SLC5A9: variants seen among roughly 807,000 people sequenced by gnomAD.
SLC5A9 encodes the protein sodium/glucose cotransporter 4.
A neutral mutation model predicts 70.9 loss-of-function variants in SLC5A9; 59 were observed. The ratio of observed to expected loss-of-function variants is 0.83; its 90% confidence interval spans 0.68 to 1.03. The LOEUF is 1.03. SLC5A9 is among the 50% of genes least tolerant of loss of function. The pLI is 0.00. For missense variants in SLC5A9, 832 were observed against 881.1 expected, an observed-to-expected ratio of 0.94 and a Z score of 0.71; for synonymous variants, 340 against 346.5, an observed-to-expected ratio of 0.98 and a Z score of 0.21.
Position 48,247,265 on chromosome 1 carries a change from C to CT in SLC5A9, c.1838-67dup, listed in dbSNP as rs1644470225. ...CTCTCCCTCCCCTACTCTCCTATCA[C>CT]TTTCCTTTCTCCAATCTTCTTTGCC... On this transcript the variant is annotated intron_variant, in intron 13 of 13. Transcript: ENST00000438567. 6 of 1,443,250 alleles carry CT rather than the reference C, an allele frequency of 4.2e-6. No individual in the cohort carries two copies. In the East Asian group the frequency reaches 1.4e-4, roughly 34 times the overall value. The allele number at this position is 1,443,250 out of a possible 1,614,324, so 89.4% of individuals were successfully genotyped here. A position where few individuals can be genotyped will look rare whatever the true frequency, so the allele number is the denominator to read the frequency against.
rs1208361350 is a variant in SLC5A9 at position 48,242,568 on chromosome 1, G to A, written c.1789G>A (p.Gly597Arg). The A allele has an allele frequency of 6.2e-7, 1 of 1,613,510 alleles. No homozygotes were observed. The highest frequency in any genetic ancestry group is 1.7e-5 in the Admixed American group (1 of 59,994). ...GAGGCCAGCCGGGGAGTGCCCTGCAGGAGGTGGAGCGGCAGAGAACTCGAG... is the reference window on the plus strand; with the variant it reads ...GAGGCCAGCCGGGGAGTGCCCTGCAAGAGGTGGAGCGGCAGAGAACTCGAG... The part of the protein sequence containing the change: ...SERPAGECPA[G>R]GGAAENSSLG... Residue 597 changes from glycine to arginine, a missense_variant, in exon 13 of 14, where the codon GGA becomes AGA. By Grantham distance (125) the Gly-to-Arg change is moderately radical (BLOSUM62 -2). Transcript: ENST00000438567.
rs1465241810 is a variant in SLC5A9 at position 48,230,622 on chromosome 1, T to C, written c.527T>C (p.Leu176Pro). ...CAGACTGACATCTTCTCTGGAGCCC[T>C]CTTCATCCAGATGGCATTGGGCTGG... ...KISTDIFSGA[L>P]FIQMALGWNL... The change falls in exon 5 of 14, where the codon CTC (leucine) becomes CCC (proline). Residue 176 changes from leucine (L) to proline (P), a missense_variant. Coordinates refer to ENST00000438567, the MANE Select transcript of SLC5A9 (RefSeq NM_001011547.3). 1 of 1,614,030 alleles carries C rather than the reference T, an allele frequency of 6.2e-7. No homozygotes were observed. Among genetic ancestry groups the C allele is most frequent in the Non-Finnish European group, 8.5e-7 (1 of 1,179,958 alleles).
At chr1:48,229,065 T>C (rs1362224500) in intron 3 of SLC5A9, 111 bp downstream of exon 3, 1 of 1,613,918 alleles carries the variant, frequency 6.2e-7, no homozygotes, top group Non-Finnish European at 8.5e-7. Context: ...ACATGGTGAA[T>C]CGAGAATCCA....
chr1:48,226,458 G>A (rs1458732056), intron 2 of SLC5A9, among the ~76,000 whole-genome samples: 1 of 152,196 alleles, frequency 6.6e-6, no homozygotes, highest in Non-Finnish European at 1.5e-5. Context: ...CAGTGGGAAA[G>A]AGAGGATGTG....
chr1:48,222,862 C>T lies in SLC5A9; in HGVS notation c.126C>T (p.Val42=). 6.2e-7 allele frequency: 1 copy of T among 1,614,090 alleles called. No homozygotes were observed. The highest frequency in any genetic ancestry group is 8.5e-7 in the Non-Finnish European group (1 of 1,180,026). ...GLHAYDISVV[V]IYFVFVIAVG... ...ACGCCTACGACATCAGCGTGGTGGT[C>T]ATCTACTTTGTCTTCGTCATTGCTG... Residue 42 remains valine (V), a synonymous_variant, in exon 1 of 14, where the codon GTC becomes GTT. Coordinates refer to ENST00000438567, the MANE Select transcript of SLC5A9 (RefSeq NM_001011547.3).
In SLC5A9 at chr1:48,239,924, G is replaced by T. The variant is rs553406823; in HGVS notation, c.1677+387G>T. Reference sequence around the variant, plus strand: ...CAGTCACCTCCTGGGGGCCCAGGGAGGGCACACTGATGAGGACACTTTGAA... The same window carrying T: ...CAGTCACCTCCTGGGGGCCCAGGGATGGCACACTGATGAGGACACTTTGAA... On this transcript the variant is annotated intron_variant, in intron 12 of 13. Transcript: ENST00000438567. This position sits in a 1 kb window ranked among gnomAD's most constrained non-coding sequence, Gnocchi z 4.2. Among the ~76,000 whole-genome samples, 1 of 152,312 alleles carries T rather than the reference G, an allele frequency of 6.6e-6. No individual in the cohort carries two copies. The highest frequency in any genetic ancestry group is 2.4e-5 in the African/African-American group (1 of 41,564).
At chr1:48,233,011 G>A (rs1412317199) in intron 8 of SLC5A9, among the ~76,000 whole-genome samples, 4 of 95,474 alleles carry the variant, frequency 4.2e-5, no homozygotes, top group Non-Finnish European at 6.0e-5. Flanking sequence ...AGGAAGGAAC[G>A]AAGAGAGGGA....
chr1:48,230,783 CAGAG>C, intron 5 of SLC5A9, 78 bp downstream of exon 5: 1 of 1,073,074 alleles, frequency 9.3e-7, no homozygotes, highest in Non-Finnish European at 1.4e-6. Context: ...GAGAGACAAC[CAGAG>C]AGAGAGACAG....
intron 8 of SLC5A9, 37 bp from the exon 9 acceptor site, chr1:48,233,618 A>G (rs778376175): frequency 1.9e-5 from 30 of 1,543,762 alleles, no homozygotes; most frequent in Non-Finnish European, 2.7e-5. Context: ...AGAAGGCACG[A>G]GATCACGGAC....
At chr1:48,246,650 G>T (rs776316661) in intron 13 of SLC5A9, among the ~76,000 whole-genome samples, 1 of 152,102 alleles carries the variant, frequency 6.6e-6, no homozygotes, top group African/African-American at 2.4e-5. Context: ...CATGGGTTCG[G>T]TCTCGTGCAC....
At position 48,231,602 on chromosome 1, in the gene SLC5A9, G is replaced by GA. The variant is rs747327959; in HGVS notation, c.669dup (p.Ala224SerfsTer28). 47 of 1,614,050 alleles carry GA rather than the reference G, an allele frequency of 2.9e-5. No individual in the cohort carries two copies. The highest frequency in any genetic ancestry group is 3.7e-5 in the Non-Finnish European group (44 of 1,180,016). Reference sequence around the variant, plus strand: ...CTGCAGACGGTGATCATGGTAGGGGGAGCCCTGGTCCTCATGTTTCTGGGT... The same window carrying GA: ...CTGCAGACGGTGATCATGGTAGGGGGAAGCCCTGGTCCTCATGTTTCTGGGT... On this transcript the variant is annotated frameshift_variant, in exon 6 of 14. Coordinates refer to ENST00000438567, the MANE Select transcript of SLC5A9 (RefSeq NM_001011547.3). LOFTEE classifies it high-confidence loss of function.
chr1:48,244,862 G>GTGTATA lies in SLC5A9; in HGVS notation c.1837+2247_1837+2248insGTATAT, dbSNP rs1644437703. On this transcript the variant is annotated intron_variant, in intron 13 of 13. Transcript: ENST00000438567. ...TTATATATATAAAACCTGTGTGTGT[G>GTGTATA]TATGTATGTGTATGTGTATATATAT... Among the ~76,000 whole-genome samples, 2 of 14,442 alleles carry GTGTATA rather than the reference G, an allele frequency of 1.4e-4. 1 individual carries two copies. Among genetic ancestry groups the GTGTATA allele is most frequent in the Non-Finnish European group, 2.6e-4 (2 of 7,602 alleles). The allele number at this position is 14,442 out of a possible 152,430, so 9.5% of individuals were successfully genotyped here.
chr1:48,232,178 G>A (rs778717057), intron 7 of SLC5A9, 27 bp downstream of exon 7: 1 of 1,593,436 alleles, frequency 6.3e-7, no homozygotes, highest in Non-Finnish European at 8.6e-7. Context: ...GCTTAGCCCA[G>A]CCTGCCAGGA....
rs78427303 is a variant in SLC5A9, at chr1:48,242,578, C to T, written c.1799C>T (p.Ala600Val). ...GGGGAGTGCCCTGCAGGAGGTGGAG[C>T]GGCAGAGAACTCGAGCCTGGGCCAG... ...PAGECPAGGG[A>V]AENSSLGQEQ... The change falls in exon 13 of 14, where the codon GCG becomes GTG. Residue 600 changes from alanine to valine, a missense_variant. Ala to Val is a moderately conservative substitution (Grantham distance 64, BLOSUM62 0). Coordinates refer to ENST00000438567, the MANE Select transcript of SLC5A9 (RefSeq NM_001011547.3). 125,711 of 1,612,320 alleles carry T rather than the reference C, an allele frequency of 0.078. 5,581 individuals carry two copies. Among genetic ancestry groups the T allele is most frequent in the Non-Finnish European group, 0.09 (106,392 of 1,179,160 alleles).
chr1:48,247,429 G>A lies in SLC5A9; in HGVS notation c.1932G>A (p.Ala644=), dbSNP rs750226241. Residue 644 remains alanine, a synonymous_variant, in exon 14 of 14, where the codon GCG becomes GCA. Coordinates refer to ENST00000438567, the MANE Select transcript of SLC5A9 (RefSeq NM_001011547.3). ...CCCTGAGCCCAGCAGAGAAGGCTGC[G>A]CTAGAACAGAAGCTGACAAGCATTG... The part of the protein sequence containing the change: ...EQALSPAEKA[A]LEQKLTSIEE... The A allele has an allele frequency of 3.0e-5, 48 of 1,614,042 alleles. No individual in the cohort carries two copies. The highest frequency in any genetic ancestry group is 6.7e-5 in the Admixed American group (4 of 59,996).
intron 5 of SLC5A9, among the ~76,000 whole-genome samples, chr1:48,231,189 G>A (rs1359653296): frequency 1.3e-5 from 2 of 152,146 alleles, no homozygotes; most frequent in African/African-American, 2.4e-5. Flanking sequence ...GAGACAGGGG[G>A]GCATTTAGAT....
chr1:48,222,860 GTCA>G lies in SLC5A9; in HGVS notation c.127_129del (p.Ile43del). The G allele has an allele frequency of 6.2e-7, 1 of 1,614,160 alleles. No homozygotes were observed. The highest frequency in any genetic ancestry group is 8.5e-7 in the Non-Finnish European group (1 of 1,180,016). On this transcript the variant is annotated inframe_deletion, in exon 1 of 14. Transcript: ENST00000438567. Reference sequence around the variant, plus strand: ...GCACGCCTACGACATCAGCGTGGTGGTCATCTACTTTGTCTTCGTCATTGCTGT... The same window carrying G: ...GCACGCCTACGACATCAGCGTGGTGGTCTACTTTGTCTTCGTCATTGCTGT...
chr1:48,241,248 C>T (rs771228256), intron 12 of SLC5A9: 1 of 152,400 alleles, frequency 6.6e-6, no homozygotes, highest in Non-Finnish European at 1.5e-5. Context: ...CAAAACCCCT[C>T]TCCCAAGATT....
chr1:48,233,595 C>G, intron 8 of SLC5A9, 60 bp from the exon 9 acceptor site: 1 of 1,372,386 alleles, frequency 7.3e-7, no homozygotes, highest in Non-Finnish European at 1.0e-6. Context: ...AAAGCAAATA[C>G]TAGGCCAACC....
Sources: allele counts gnomAD v4.1 joint callset (sites outside exome capture counted in the v4.1 genomes callset), GRCh38; gene constraint gnomAD v4.1.1; non-coding constraint Gnocchi (gnomAD v3.1); transcripts MANE v1.5; gene names NCBI Gene and HGNC (gene_info 2026-07-23, HGNC 2026-07-21).